BCAR3: variants seen among roughly 807,000 people sequenced by gnomAD.
BCAR3 encodes BCAR3 adaptor protein, NSP family member, also known as breast cancer anti-estrogen resistance protein 3.
In BCAR3, 37 loss-of-function variants were observed where a neutral mutation model predicts 80.1. The ratio of observed to expected loss-of-function variants is 0.46; its 90% CI spans 0.36 to 0.61. The LOEUF is 0.61. Ranked by LOEUF, BCAR3 falls within the 20% of genes least tolerant of loss-of-function variation. The probability of loss-of-function intolerance (pLI) is 0.00; values close to 1 mark genes in which losing one functional copy is unlikely to be tolerated. For synonymous variants in BCAR3, 389 were observed against 418.9 expected (o/e 0.93, Z 0.87); for missense variants, 978 against 1,068.2 (o/e 0.92, Z 1.18).
chr1:93,736,423 G>A (rs1258190368), intron 2 of BCAR3, among the ~76,000 whole-genome samples: 1 of 152,206 alleles, frequency 6.6e-6, no homozygotes, highest in Non-Finnish European at 1.5e-5. Context: ...CTGACCTCAG[G>A]TGATCTGCCC....
At position 93,612,346 on chromosome 1, in the gene BCAR3, C is replaced by T. The variant is rs1209293955; in HGVS notation, c.358-19953G>A. Among the ~76,000 whole-genome samples, 5 of 152,108 alleles carry T rather than the reference C, an allele frequency of 3.3e-5. No homozygotes were observed. In the South Asian group the frequency reaches 1.0e-3, roughly 32 times the overall value. The stretch of plus-strand genomic sequence containing the variant: ...ACCACAGTCAACCACCAAGAGTGGC[C>T]ACGGTGGAGAGATAGAGAGTGCACA... On this transcript the variant is annotated intron_variant, in intron 3 of 11. Transcript: ENST00000260502.
At chr1:93,584,394 T>A (rs1384902217) in intron 5 of BCAR3, among the ~76,000 whole-genome samples, 1 of 152,172 alleles carries the variant, frequency 6.6e-6, no homozygotes, top group Non-Finnish European at 1.5e-5. Context: ...GGCTGTTCCA[T>A]CCTGTTGAAC....
At position 93,643,454 on chromosome 1, in the gene BCAR3, G is replaced by A. The variant is rs538875523; in HGVS notation, c.318-1111C>T. On this transcript the variant is annotated intron_variant, in intron 2 of 11. Transcript: ENST00000260502. ...CCAGCTACTTGGGAGGCTGAGGCAG[G>A]AGAATTGCTTGAACCCAGGAGGCGG... Among the ~76,000 whole-genome samples, 7 of 142,632 alleles carry A rather than the reference G, an allele frequency of 4.9e-5. No individual in the cohort carries two copies. In the East Asian group the frequency reaches 1.4e-3, roughly 29 times the overall value. 93.6% of individuals were successfully genotyped at this position (142,632 alleles called of 152,430 possible). A position where few individuals can be genotyped will look rare whatever the true frequency, so the allele number is the denominator to read the frequency against.
At chr1:93,689,404 G>A (rs890622019) in intron 3 of BCAR3, among the ~76,000 whole-genome samples, 4 of 152,140 alleles carry the variant, frequency 2.6e-5, no homozygotes, top group Middle Eastern at 3.4e-3. Context: ...GGTGGCACGC[G>A]TCTGTAGTCC....
intron 2 of BCAR3, among the ~76,000 whole-genome samples, chr1:93,730,942 A>G (rs909458643): frequency 2.0e-5 from 3 of 152,224 alleles, no homozygotes; most frequent in African/African-American, 7.2e-5. Flanking sequence ...GACATCAGGA[A>G]TAAGTCATGT....
chr1:93,661,190 C>T (rs1647636189), intron 2 of BCAR3, among the ~76,000 whole-genome samples: 1 of 152,024 alleles, frequency 6.6e-6, no homozygotes, highest in African/African-American at 2.4e-5. Context: ...CAGGGATGCG[C>T]CACCACGCCC....
rs113645811 is a variant in BCAR3, at chr1:93,689,398, G to C, written c.-11-14457C>G. On this transcript the variant is annotated intron_variant, in intron 3 of 13. Transcript: ENST00000370244. ...ATATAAAAATTAGCCGGGTGTGGTG[G>C]CACGCGTCTGTAGTCCCAGCTACTC... Among the ~76,000 whole-genome samples the C allele has an allele frequency of 1.9e-3, 286 of 152,214 alleles. 2 individuals carry two copies. Among genetic ancestry groups the C allele is most frequent in the African/African-American group, 6.7e-3 (280 of 41,536 alleles).
intron 2 of BCAR3, among the ~76,000 whole-genome samples, chr1:93,652,493 T>C (rs1033255137): frequency 5.3e-4 from 80 of 152,308 alleles, no homozygotes; most frequent in African/African-American, 1.9e-3. Flanking sequence ...GTTGGCCCTA[T>C]AGACCGAGCC....
chr1:93,691,293 G>A (rs1004817507), intron 3 of BCAR3, among the ~76,000 whole-genome samples: 3 of 152,184 alleles, frequency 2.0e-5, no homozygotes, highest in Non-Finnish European at 4.4e-5. Context: ...GTCCCACTGG[G>A]GAACAGCCTC....
chr1:93,584,406 G>C (rs1673858013), intron 5 of BCAR3, among the ~76,000 whole-genome samples: 1 of 152,200 alleles, frequency 6.6e-6, no homozygotes, highest in Non-Finnish European at 1.5e-5. Context: ...CTGTTGAACA[G>C]AGTAGGGTAA....
chr1:93,820,127 A>G (rs1176302511), intron 2 of BCAR3, among the ~76,000 whole-genome samples: 1 of 152,252 alleles, frequency 6.6e-6, no homozygotes, highest in Non-Finnish European at 1.5e-5. Flanking sequence ...CTACTCAAGT[A>G]TCCAGAGTCC....
chr1:93,845,846 G>A (rs1283598694), intron 1 of BCAR3: 2 of 152,104 alleles, frequency 1.3e-5, no homozygotes, highest in South Asian at 2.1e-4. Flanking sequence ...TCGTTCCTGT[G>A]AGAACTGGGG....
chr1:93,742,363 T>C (rs1980084), intron 2 of BCAR3, among the ~76,000 whole-genome samples: 17,846 of 152,170 alleles, frequency 0.12, 1,468 homozygotes, highest in African/African-American at 0.22. Flanking sequence ...AGGAAGAAAG[T>C]GGAAAACTAC....
At chr1:93,820,500 G>A (rs72723157) in intron 2 of BCAR3, among the ~76,000 whole-genome samples, 11,202 of 152,206 alleles carry the variant, frequency 0.074, 462 homozygotes, top group South Asian at 0.093. Flanking sequence ...ATAACTCAGT[G>A]AAACACTTTG....
At chr1:93,775,554 A>T (rs977228055) in intron 2 of BCAR3, 22 of 152,320 alleles carry the variant, frequency 1.4e-4, no homozygotes, top group Admixed American at 6.5e-5. Flanking sequence ...CATATTTTTT[A>T]AAAAATTCAT....
At chr1:93,800,956 A>G (rs1022985359) in intron 2 of BCAR3, among the ~76,000 whole-genome samples, 2 of 152,232 alleles carry the variant, frequency 1.3e-5, no homozygotes, top group Non-Finnish European at 2.9e-5. Flanking sequence ...TTAAAAAGGT[A>G]GGGTTGAGAA....
intron 2 of BCAR3, among the ~76,000 whole-genome samples, chr1:93,744,057 C>A (rs1016417549): frequency 6.6e-6 from 1 of 152,136 alleles, no homozygotes; most frequent in Non-Finnish European, 1.5e-5. Flanking sequence ...GCAAGAATAG[C>A]CCCCACCACC....
At chr1:93,591,221 T>C (rs1347080869) in intron 4 of BCAR3, among the ~76,000 whole-genome samples, 1 of 122,768 alleles carries the variant, frequency 8.1e-6, no homozygotes, top group Admixed American at 8.8e-5. Context: ...ATGCCTGTAA[T>C]CCCAGCACTT....
At chr1:93,632,600 G>A (rs1003614954) in intron 3 of BCAR3, among the ~76,000 whole-genome samples, 1 of 152,090 alleles carries the variant, frequency 6.6e-6, no homozygotes, top group Non-Finnish European at 1.5e-5. Context: ...TAGCCCCATC[G>A]TAAGTGGAGT....
Sources: gnomAD v4.1 joint callset for allele counts (sites outside exome capture counted in the v4.1 genomes callset) on GRCh38, gnomAD v4.1.1 for gene constraint, MANE v1.5 for transcripts, NCBI Gene and HGNC (gene_info 2026-07-23, HGNC 2026-07-21) for gene names.